The following SYN3 variants were observed in gnomAD, a reference collection of about 807,000 sequenced individuals.
SYN3 encodes the protein synapsin III, also known as synapsin-3.
A neutral mutation model predicts 65.8 loss-of-function variants in SYN3; 35 were observed. The ratio of observed to expected loss-of-function variants is 0.53; its 90% CI spans 0.41 to 0.70. The LOEUF is 0.70. Among genes scored for constraint, SYN3 ranks in the 30% least tolerant of loss-of-function variants. The pLI is 0.00. For missense variants in SYN3, 680 were observed against 749.0 expected (o/e 0.91, Z 1.08); for synonymous variants, 270 against 292.9 (o/e 0.92, Z 0.80).
At chr22:32,708,361 C>T (rs913831849) in intron 6 of SYN3, among the ~76,000 whole-genome samples, 6 of 152,300 alleles carry the variant, frequency 3.9e-5, no homozygotes, top group East Asian at 1.9e-4. Flanking sequence ...GCCTGCACTC[C>T]AGGCGGCCCA....
At chr22:32,775,945 T>C (rs978808) in intron 6 of SYN3, among the ~76,000 whole-genome samples, 107,425 of 152,072 alleles carry the variant, frequency 0.71, 38,508 homozygotes, top group African/African-American at 0.83. Flanking sequence ...AGAGGTTTGC[T>C]TATGTGATTA....
intron 6 of SYN3, among the ~76,000 whole-genome samples, chr22:32,779,652 G>A (rs5754279): frequency 0.71 from 107,443 of 151,960 alleles, 38,552 homozygotes; most frequent in African/African-American, 0.83. Flanking sequence ...GACTTACCCA[G>A]GGGCACTCAG....
At position 32,580,187 on chromosome 22, in the gene SYN3, G is replaced by A. The variant is rs550863572; in HGVS notation, c.774+16487C>T. Among the ~76,000 whole-genome samples, 27 of 152,342 alleles carry A rather than the reference G, an allele frequency of 1.8e-4. No homozygotes were observed. In the South Asian group the frequency reaches 4.8e-3, roughly 27 times the overall value. ...GAGTTGAAGATGACCTAGATCATGC[G>A]TCAACAAACTATGGCCTGAGGGCCA... is the stretch of plus-strand genomic sequence containing the variant. On this transcript the variant is annotated intron_variant, in intron 7 of 13. Coordinates refer to ENST00000358763, the MANE Select transcript of SYN3 (RefSeq NM_003490.4).
At chr22:32,523,476 G>A (rs958783723) in intron 12 of SYN3, among the ~76,000 whole-genome samples, 2 of 152,170 alleles carry the variant, frequency 1.3e-5, no homozygotes, top group African/African-American at 4.8e-5. Context: ...TTGTGCAACT[G>A]TACTCCAGCC....
intron 6 of SYN3, among the ~76,000 whole-genome samples, chr22:32,640,724 G>A (rs1166704465): frequency 2.0e-5 from 3 of 152,226 alleles, no homozygotes; most frequent in East Asian, 1.9e-4. Context: ...AAAATTAGCC[G>A]GGCGTGGTGG....
chr22:32,757,578 T>A (rs2045332968), intron 6 of SYN3, among the ~76,000 whole-genome samples: 1 of 151,844 alleles, frequency 6.6e-6, no homozygotes, highest in Non-Finnish European at 1.5e-5. Flanking sequence ...ATTACAGGCG[T>A]GAACCACCGT....
intron 6 of SYN3, among the ~76,000 whole-genome samples, chr22:32,814,139 TGTGAGAGAGAGAGA>T (rs1200986442): frequency 1.1e-5 from 1 of 90,518 alleles, no homozygotes; most frequent in Non-Finnish European, 2.2e-5. Flanking sequence ...TGTGTGTGTG[TGTGAGAGAGAGAGA>T]GAGAGAGAGA....
At chr22:32,652,935 C>G (rs1404620980) in intron 6 of SYN3, among the ~76,000 whole-genome samples, 1 of 152,194 alleles carries the variant, frequency 6.6e-6, no homozygotes, top group African/African-American at 2.4e-5. Flanking sequence ...TCAAACCTCA[C>G]AGTCAATAAG....
At chr22:32,830,964 C>T (rs1234229797) in intron 6 of SYN3, among the ~76,000 whole-genome samples, 2 of 151,792 alleles carry the variant, frequency 1.3e-5, no homozygotes, top group Admixed American at 6.6e-5. Flanking sequence ...TTTTTTTTTC[C>T]CCAACCAGGG....
intron 12 of SYN3, among the ~76,000 whole-genome samples, chr22:32,523,522 A>G (rs1240110842): frequency 6.6e-6 from 1 of 152,144 alleles, no homozygotes; most frequent in Non-Finnish European, 1.5e-5. Context: ...CAAAAAACAA[A>G]CAAACAAACA....
rs1254154115 is a variant in SYN3 at position 33,049,899 on chromosome 22, C to G, written c.-163+8393G>C. 4.0e-5 allele frequency among the ~76,000 whole-genome samples: 6 copies of G among 151,556 alleles called. No individual in the cohort carries two copies. The East Asian group carries it at 1.2e-3, about 30-fold the overall frequency. On this transcript the variant is annotated intron_variant, in intron 1 of 13. Coordinates refer to ENST00000358763, the MANE Select transcript of SYN3 (RefSeq NM_003490.4). ...CCTGTTGCCCTCTGTGTCTCAGACA[C>G]CAGCCACAAAGCCAAGCAGAGGAGG...
At position 32,533,849 on chromosome 22, in the gene SYN3, C is replaced by A; in HGVS notation, c.1039G>T (p.Asp347Tyr). 6.2e-7 allele frequency: 1 copy of A among 1,613,994 alleles called. No homozygotes were observed. Among genetic ancestry groups the A allele is most frequent in the Non-Finnish European group, 8.5e-7 (1 of 1,179,930 alleles). The change falls in exon 10 of 14, where the codon GAC (aspartate) becomes TAC (tyrosine). Residue 347 changes from aspartate to tyrosine, a missense_variant. Asp to Tyr is a radical substitution (Grantham distance 160). Transcript: ENST00000358763. Reference protein sequence around the residue: ...DSCSEMFGGLDICAVKAVHSK... With the variant: ...DSCSEMFGGLYICAVKAVHSK... ...TGGACAGCCTTGACGGCACAGATGT[C>A]CAGGCCGCCAAACATTTCCGAGCAG... is the stretch of plus-strand genomic sequence containing the variant.
chr22:32,632,180 C>T (rs969611718), intron 6 of SYN3, among the ~76,000 whole-genome samples: 1 of 152,212 alleles, frequency 6.6e-6, no homozygotes, highest in African/African-American at 2.4e-5. Context: ...GGTGTGGAGC[C>T]CTGGGTGTTC....
rs375213133 is a variant in SYN3 at position 32,690,163 on chromosome 22, G to A, written c.712-93427C>T. Among the ~76,000 whole-genome samples, 141 of 152,172 alleles carry A rather than the reference G, an allele frequency of 9.3e-4. 1 individual carries two copies. In the East Asian group the frequency reaches 0.014, roughly 15 times the overall value. ...TGCACTCCAGTCTGGCCAACAGAGCGAGACTGTCTCAAAAAAAGGAAAAAG... is the reference window on the plus strand; with the variant it reads ...TGCACTCCAGTCTGGCCAACAGAGCAAGACTGTCTCAAAAAAAGGAAAAAG... On this transcript the variant is annotated intron_variant, in intron 6 of 13. Transcript: ENST00000358763.
intron 6 of SYN3, among the ~76,000 whole-genome samples, chr22:32,687,289 A>G (rs2060604049): frequency 6.6e-6 from 1 of 151,962 alleles, no homozygotes; most frequent in South Asian, 2.1e-4. Context: ...CAGCCTGCCG[A>G]GTAGCTGGGA....
intron 6 of SYN3, among the ~76,000 whole-genome samples, chr22:32,746,119 C>T (rs563193646): frequency 3.9e-4 from 59 of 152,284 alleles, no homozygotes; most frequent in African/African-American, 1.3e-3. Context: ...AGTTAAGTGA[C>T]GGTCAGTTCA....
intron 7 of SYN3, among the ~76,000 whole-genome samples, chr22:32,566,511 C>T (rs1387328534): frequency 6.6e-6 from 1 of 152,142 alleles, no homozygotes; most frequent in Non-Finnish European, 1.5e-5. Flanking sequence ...CATGGTGTCC[C>T]TGAAAGTGAC....
At chr22:32,631,365 T>C (rs533134312) in intron 6 of SYN3, among the ~76,000 whole-genome samples, 1 of 151,632 alleles carries the variant, frequency 6.6e-6, no homozygotes, top group South Asian at 2.1e-4. Context: ...GTTTGAGATG[T>C]TGGGTTTTTG....
intron 3 of SYN3, among the ~76,000 whole-genome samples, chr22:32,954,255 G>A (rs964122794): frequency 6.6e-6 from 1 of 152,170 alleles, no homozygotes; most frequent in Admixed American, 6.5e-5. Flanking sequence ...AGGACAGGAA[G>A]GAGGTTCATC....
Sources: gnomAD v4.1 joint callset for allele counts (sites outside exome capture counted in the v4.1 genomes callset) on GRCh38, gnomAD v4.1.1 for gene constraint, MANE v1.5 for transcripts, NCBI Gene and HGNC (gene_info 2026-07-23, HGNC 2026-07-21) for gene names.